ARB2A: variants seen among roughly 807,000 people sequenced by gnomAD.
The protein encoded by ARB2A is ARB2 cotranscriptional regulator A.
At chr5:93,773,881 C>T in the ARB2A span, among the ~76,000 whole-genome samples, 5 of 152,198 alleles carry the variant, frequency 3.3e-5, no homozygotes, top group Non-Finnish European at 5.9e-5. Flanking sequence ...GATCCTCTTG[C>T]CTCAGCCTCC....
chr5:93,768,424 C>T, the ARB2A span, among the ~76,000 whole-genome samples: 1 of 151,240 alleles, frequency 6.6e-6, no homozygotes, highest in Admixed American at 6.6e-5. Context: ...AGTGGGAAAC[C>T]AGTCACCTGA....
chr5:93,690,974 G>A, the ARB2A span, among the ~76,000 whole-genome samples: 24 of 151,832 alleles, frequency 1.6e-4, no homozygotes, highest in Admixed American at 2.6e-4. Context: ...CAGAAGAATA[G>A]CATAACATCC....
the ARB2A span, among the ~76,000 whole-genome samples, chr5:93,839,568 A>C: frequency 6.6e-6 from 1 of 151,918 alleles, no homozygotes; most frequent in Non-Finnish European, 1.5e-5. Context: ...TTCCTCATCA[A>C]TTTTTTTGGA....
chr5:93,938,132 C>A, the ARB2A span, among the ~76,000 whole-genome samples: 9 of 152,112 alleles, frequency 5.9e-5, no homozygotes, highest in Admixed American at 2.6e-4. Context: ...CAGAATAACA[C>A]CATTCATGCC....
chr5:93,683,781 A>C, the ARB2A span: 3 of 1,404,796 alleles, frequency 2.1e-6, no homozygotes, highest in Admixed American at 3.4e-5. Context: ...GCTGCTGCAG[A>C]GAACAGCCGC....
At chr5:93,923,300 C>T in the ARB2A span, among the ~76,000 whole-genome samples, 1 of 152,224 alleles carries the variant, frequency 6.6e-6, no homozygotes, top group South Asian at 2.1e-4. Flanking sequence ...TTCTGGAAAA[C>T]AGCAGGCTAC....
the ARB2A span, among the ~76,000 whole-genome samples, chr5:93,852,056 T>G: frequency 6.6e-6 from 1 of 152,186 alleles, no homozygotes; most frequent in East Asian, 1.9e-4. Flanking sequence ...TTGAACCAGT[T>G]TACAGTCCCA....
the ARB2A span, among the ~76,000 whole-genome samples, chr5:94,044,858 T>G: frequency 6.6e-6 from 1 of 151,970 alleles, no homozygotes; most frequent in Non-Finnish European, 1.5e-5. Context: ...ACCAATGCCA[T>G]GGCAACATCA....
chr5:93,847,401 T>C, the ARB2A span, among the ~76,000 whole-genome samples: 2 of 152,228 alleles, frequency 1.3e-5, no homozygotes, highest in African/African-American at 2.4e-5. Flanking sequence ...TTTCCTTTAT[T>C]GTCCATCACA....
chr5:93,808,422 T>G, the ARB2A span, among the ~76,000 whole-genome samples: 1 of 149,406 alleles, frequency 6.7e-6, no homozygotes, highest in Non-Finnish European at 1.5e-5. Context: ...AAAACCCACA[T>G]ACAATCCCAG....
chr5:93,832,835 A>T, the ARB2A span, among the ~76,000 whole-genome samples: 10 of 152,080 alleles, frequency 6.6e-5, no homozygotes, highest in African/African-American at 2.4e-4. Context: ...TTCCATTTCG[A>T]AATTTATTAT....
chr5:94,074,142 T>A, the ARB2A span, among the ~76,000 whole-genome samples: 1 of 152,256 alleles, frequency 6.6e-6, no homozygotes, highest in South Asian at 2.1e-4. Context: ...CTTTTCGAAG[T>A]CAAATTACTT....
chr5:94,096,095 GATT>G, the ARB2A span, among the ~76,000 whole-genome samples: 1 of 152,200 alleles, frequency 6.6e-6, no homozygotes, highest in South Asian at 2.1e-4. Context: ...AATGGATCAA[GATT>G]ATTAACAAAA....
chr5:93,927,983 C>A, the ARB2A span, among the ~76,000 whole-genome samples: 1 of 151,058 alleles, frequency 6.6e-6, no homozygotes, highest in African/African-American at 2.4e-5. Flanking sequence ...ATTCTAAAAT[C>A]AACATTACCA....
At chr5:93,964,005 A>G in the ARB2A span, among the ~76,000 whole-genome samples, 711 of 152,176 alleles carry the variant, frequency 4.7e-3, 6 homozygotes, top group African/African-American at 0.016. Flanking sequence ...AGGAAGCACC[A>G]GGAATGAATT....
At chr5:93,876,178 G>A in the ARB2A span, among the ~76,000 whole-genome samples, 1 of 152,124 alleles carries the variant, frequency 6.6e-6, no homozygotes, top group Non-Finnish European at 1.5e-5. Flanking sequence ...TGGGAATTTT[G>A]TGTGTCTTGG....
chr5:93,894,548 C>T, the ARB2A span, among the ~76,000 whole-genome samples: 1 of 152,142 alleles, frequency 6.6e-6, no homozygotes, highest in African/African-American at 2.4e-5. Context: ...TTCTGTACGT[C>T]TGATCTCTCA....
At chr5:93,641,509 G>C in the ARB2A span, among the ~76,000 whole-genome samples, 2 of 152,262 alleles carry the variant, frequency 1.3e-5, no homozygotes, top group East Asian at 3.9e-4. Flanking sequence ...AAGATGTCTT[G>C]AGTTGGTCAG....
At chr5:93,632,309 G>A in the ARB2A span, among the ~76,000 whole-genome samples, 12 of 152,316 alleles carry the variant, frequency 7.9e-5, no homozygotes, top group Non-Finnish European at 1.5e-4. Flanking sequence ...GTGGCAACAA[G>A]GAGCCAGGTG....
Sources: allele counts gnomAD v4.1 joint callset (sites outside exome capture counted in the v4.1 genomes callset), GRCh38; gene constraint gnomAD v4.1.1; transcripts MANE v1.5; gene names NCBI Gene and HGNC (gene_info 2026-07-23, HGNC 2026-07-21).